IFT57: variants seen among roughly 807,000 people sequenced by gnomAD.
The protein encoded by IFT57 is intraflagellar transport protein 57 homolog.
IFT57 carries 59 observed loss-of-function variants against 56.8 expected under a neutral mutation model. The observed-to-expected ratio is 1.04, with a 90% CI of 0.84 to 1.29. The LOEUF is 1.29. IFT57 is among the 50% of genes most tolerant of loss of function. The pLI, the probability that IFT57 is intolerant of heterozygous loss-of-function variation, is 0.00. For missense variants in IFT57, 470 were observed against 522.1 expected (o/e 0.90, Z 0.97); for synonymous variants, 209 against 186.1 (o/e 1.12, Z -1.00).
intron 5 of IFT57, among the ~76,000 whole-genome samples, chr3:108,192,197 G>GA (rs146257983): frequency 0.086 from 12,050 of 139,956 alleles, 646 homozygotes; most frequent in Middle Eastern, 0.1. Flanking sequence ...AAAAAAAAAA[G>GA]GGAAACACTT....
chr3:108,208,267 T>C (rs553326773), intron 4 of IFT57, among the ~76,000 whole-genome samples: 9 of 152,270 alleles, frequency 5.9e-5, no homozygotes, highest in Admixed American at 3.3e-4. Flanking sequence ...AGCAGAGGTA[T>C]ACACTTTTGT....
At chr3:108,206,094 ATTG>A (rs2080311516) in intron 5 of IFT57, among the ~76,000 whole-genome samples, 2 of 134,220 alleles carry the variant, frequency 1.5e-5, no homozygotes, top group Non-Finnish European at 3.1e-5. Flanking sequence ...AATAATATAT[ATTG>A]ATATATAATA....
chr3:108,188,090 C>T (rs949210544), intron 6 of IFT57, among the ~76,000 whole-genome samples: 4 of 152,054 alleles, frequency 2.6e-5, no homozygotes, highest in Non-Finnish European at 5.9e-5. Flanking sequence ...TTCCCCCCTC[C>T]TCCCACCCCA....
At chr3:108,173,230 T>C (rs72620100) in intron 6 of IFT57, among the ~76,000 whole-genome samples, 14,348 of 151,658 alleles carry the variant, frequency 0.095, 1,451 homozygotes, top group East Asian at 0.52. Context: ...AGTGATACAC[T>C]GTTTGGGGAT....
intron 2 of IFT57, 78 bp downstream of exon 2, chr3:108,219,332 C>T: frequency 8.2e-7 from 1 of 1,217,270 alleles, no homozygotes; most frequent in South Asian, 1.3e-5. Flanking sequence ...ATCTAAATGG[C>T]TAGCATTTGT....
At chr3:108,216,519 A>G (rs1262282560) in intron 3 of IFT57, among the ~76,000 whole-genome samples, 2 of 152,316 alleles carry the variant, frequency 1.3e-5, no homozygotes, top group South Asian at 2.1e-4. Context: ...CTTGAACACT[A>G]TTGGTAGGTA....
intron 5 of IFT57, among the ~76,000 whole-genome samples, chr3:108,201,607 T>C (rs1343701848): frequency 2.0e-5 from 3 of 152,156 alleles, no homozygotes; most frequent in Admixed American, 6.5e-5. Flanking sequence ...AACACTCAAC[T>C]GTTTTAGGAA....
intron 3 of IFT57, among the ~76,000 whole-genome samples, chr3:108,217,946 T>C (rs1223048385): frequency 2.0e-5 from 3 of 151,984 alleles, no homozygotes; most frequent in Non-Finnish European, 4.4e-5. Context: ...TTGTGAAGAT[T>C]TCATGATTTC....
At chr3:108,177,877 C>A (rs993523398) in intron 6 of IFT57, among the ~76,000 whole-genome samples, 1 of 151,640 alleles carries the variant, frequency 6.6e-6, no homozygotes, top group Non-Finnish European at 1.5e-5. Context: ...AAAAGGCTCA[C>A]AAAGAATGAC....
intron 6 of IFT57, among the ~76,000 whole-genome samples, chr3:108,186,091 C>T (rs1181499839): frequency 6.6e-6 from 1 of 152,000 alleles, no homozygotes; most frequent in Non-Finnish European, 1.5e-5. Context: ...ACACATAGTA[C>T]TCTATGGAAA....
chr3:108,201,565 T>C (rs1423410586), intron 5 of IFT57, among the ~76,000 whole-genome samples: 2 of 152,160 alleles, frequency 1.3e-5, no homozygotes, highest in African/African-American at 2.4e-5. Context: ...ATACCAACCA[T>C]AGACTTCTCT....
At chr3:108,186,594 C>A (rs1296815465) in intron 6 of IFT57, among the ~76,000 whole-genome samples, 2 of 152,092 alleles carry the variant, frequency 1.3e-5, no homozygotes. Context: ...AAAAATTAAA[C>A]CAAATTGCGG....
chr3:108,191,982 G>T (rs2080217623), intron 5 of IFT57, among the ~76,000 whole-genome samples: 1 of 152,070 alleles, frequency 6.6e-6, no homozygotes, highest in Admixed American at 6.6e-5. Context: ...TAGAGAAGAT[G>T]TTTGGTAAGA....
intron 5 of IFT57, among the ~76,000 whole-genome samples, chr3:108,192,104 G>A (rs1036975006): frequency 8.0e-5 from 12 of 149,336 alleles, no homozygotes; most frequent in East Asian, 3.9e-4. Context: ...CCCGGGAGGC[G>A]GAGCTTGCAG....
intron 6 of IFT57, among the ~76,000 whole-genome samples, chr3:108,190,065 G>A (rs1244505113): frequency 6.6e-6 from 1 of 152,158 alleles, no homozygotes. Context: ...ACGCAGAACA[G>A]CAGGCATACT....
intron 6 of IFT57, among the ~76,000 whole-genome samples, chr3:108,170,816 G>GGAA (rs543651129): frequency 4.2e-4 from 64 of 151,988 alleles, no homozygotes; most frequent in African/African-American, 1.5e-3. Context: ...ACAGACCAAT[G>GGAA]GAACAGAATA....
chr3:108,164,167 G>C (rs1266678274), intron 9 of IFT57, among the ~76,000 whole-genome samples: 1 of 151,928 alleles, frequency 6.6e-6, no homozygotes, highest in Non-Finnish European at 1.5e-5. Flanking sequence ...AAGACATTAT[G>C]TCACTTTTTC....
intron 1 of IFT57, among the ~76,000 whole-genome samples, chr3:108,221,540 G>A (rs1262784019): frequency 6.6e-6 from 1 of 152,130 alleles, no homozygotes; most frequent in Admixed American, 6.5e-5. Context: ...TATTACAAAG[G>A]CAGAAGTCTT....
intron 6 of IFT57, among the ~76,000 whole-genome samples, chr3:108,190,770 T>C (rs2080211043): frequency 6.6e-6 from 1 of 152,186 alleles, no homozygotes; most frequent in Non-Finnish European, 1.5e-5. Context: ...TTATTAAATA[T>C]GACTTCTTGA....
Sources: gnomAD v4.1 joint callset for allele counts (sites outside exome capture counted in the v4.1 genomes callset) on GRCh38, gnomAD v4.1.1 for gene constraint, MANE v1.5 for transcripts, NCBI Gene and HGNC (gene_info 2026-07-23, HGNC 2026-07-21) for gene names.